Variants in ZNF808 observed in about 807,000 individuals in gnomAD.
ZNF808 encodes the protein zinc finger protein 808.
ZNF808 carries 5 observed loss-of-function variants against 8.7 expected under a neutral mutation model. That is an observed-to-expected ratio of 0.58 (90% CI 0.30 to 1.21). The LOEUF is 1.21. Ranked by LOEUF, ZNF808 falls within the 50% of genes most tolerant of loss-of-function variation. ZNF808 has a pLI of 0.07. For missense variants in ZNF808, 1,103 were observed against 1,098.4 expected, an observed-to-expected ratio of 1.00 and a Z score of -0.06; for synonymous variants, 380 against 366.0, an observed-to-expected ratio of 1.04 and a Z score of -0.44.
In ZNF808 at chr19:52,537,149, G is replaced by T. The variant is rs185517303; in HGVS notation, c.-20+4140G>T. Among the ~76,000 whole-genome samples the T allele has an allele frequency of 2.5e-3, 387 of 151,814 alleles. 6 individuals are homozygous for T. Among genetic ancestry groups the T allele is most frequent in the Non-Finnish European group, 6.6e-4 (45 of 67,996 alleles). On this transcript the variant is annotated intron_variant, in intron 2 of 4. Coordinates refer to ENST00000359798, the MANE Select transcript of ZNF808 (RefSeq NM_001039886.4). ...TGCGGTGAGCCGAGATCGCACCATTGCACTCCAGCCTGGGCAACAAGAGTG... is the reference window on the plus strand; with the variant it reads ...TGCGGTGAGCCGAGATCGCACCATTTCACTCCAGCCTGGGCAACAAGAGTG...
At chr19:52,530,499 T>TA (rs1018787427) in intron 1 of ZNF808, among the ~76,000 whole-genome samples, 2 of 151,636 alleles carry the variant, frequency 1.3e-5, no homozygotes, top group African/African-American at 4.8e-5. Context: ...CAATCTCTAC[T>TA]AAAAAATACA....
chr19:52,531,135 A>G (rs2059558254), intron 1 of ZNF808, among the ~76,000 whole-genome samples: 2 of 152,134 alleles, frequency 1.3e-5, no homozygotes, highest in Admixed American at 1.3e-4. Context: ...TCAAAAAAAC[A>G]AAAAAAGAAA....
intron 2 of ZNF808, among the ~76,000 whole-genome samples, chr19:52,540,289 C>T (rs759054771): frequency 1.2e-4 from 19 of 152,134 alleles, no homozygotes; most frequent in Non-Finnish European, 2.2e-4. Flanking sequence ...GGATTATAGG[C>T]GTGAGTCACT....
chr19:52,561,231 TATATATATAC>T, downstream of ZNF808, among the ~76,000 whole-genome samples: 1 of 141,750 alleles, frequency 7.1e-6, no homozygotes, highest in Non-Finnish European at 1.5e-5. Flanking sequence ...TATATATATA[TATATATATAC>T]ACTTTTTTTA....
chr19:52,568,276 A>C (rs2059877459), downstream of ZNF808, among the ~76,000 whole-genome samples: 1 of 152,226 alleles, frequency 6.6e-6, no homozygotes, highest in Non-Finnish European at 1.5e-5. Context: ...TGGGAGGCTG[A>C]GGCAGGAGAA....
In ZNF808 at chr19:52,554,930, C is replaced by T. The variant is rs746056057; in HGVS notation, c.2014C>T (p.Leu672Phe). The change falls in exon 5 of 5, where the codon CTT (leucine) becomes TTT (phenylalanine). Residue 672 changes from leucine to phenylalanine, a missense_variant. Leu to Phe is a conservative substitution (Grantham distance 22, BLOSUM62 0). Transcript: ENST00000359798. ...YKSSLVWHRR[L>F]HGGEKSYKCK... ...GTCATCACTTGTATGGCATCGTAGACTTCATGGTGGAGAGAAATCTTACAA... is the reference window on the plus strand; with the variant it reads ...GTCATCACTTGTATGGCATCGTAGATTTCATGGTGGAGAGAAATCTTACAA... The T allele has an allele frequency of 2.5e-6, 4 of 1,614,004 alleles. No homozygotes were observed. The highest frequency in any genetic ancestry group is 1.3e-5 in the African/African-American group (1 of 74,916).
downstream of ZNF808, among the ~76,000 whole-genome samples, chr19:52,559,104 C>G (rs1351111053): frequency 7.2e-6 from 1 of 138,766 alleles, no homozygotes; most frequent in South Asian, 2.3e-4. Flanking sequence ...TCCCCCAGCC[C>G]AACACCCGTA....
chr19:52,547,143 T>A (rs2059730042), intron 3 of ZNF808, among the ~76,000 whole-genome samples: 1 of 151,966 alleles, frequency 6.6e-6, no homozygotes, highest in Admixed American at 6.6e-5. Context: ...AGACAGGTTT[T>A]CACCACGTTG....
At chr19:52,533,825 A>G (rs1386458126) in intron 2 of ZNF808, among the ~76,000 whole-genome samples, 1 of 143,518 alleles carries the variant, frequency 7.0e-6, no homozygotes, top group Non-Finnish European at 1.5e-5. Flanking sequence ...CCTGGGTGAC[A>G]AAGTGAGACT....
intron 2 of ZNF808, among the ~76,000 whole-genome samples, chr19:52,539,548 GTTTTTT>G (rs71180473): frequency 7.7e-5 from 4 of 51,966 alleles, no homozygotes; most frequent in African/African-American, 2.0e-4. Context: ...TGTTGTGGTG[GTTTTTT>G]TTTTTTTTTT....
downstream of ZNF808, among the ~76,000 whole-genome samples, chr19:52,567,144 G>C (rs893391891): frequency 6.6e-6 from 1 of 152,004 alleles, no homozygotes; most frequent in Non-Finnish European, 1.5e-5. Context: ...TAGAGACGGG[G>C]TTTCATCACG....
At chr19:52,541,958 T>C in intron 2 of ZNF808, among the ~76,000 whole-genome samples, 1 of 152,198 alleles carries the variant, frequency 6.6e-6, no homozygotes, top group East Asian at 1.9e-4. Context: ...ACTGTGTACT[T>C]CTGGAAACTT....
intron 2 of ZNF808, among the ~76,000 whole-genome samples, chr19:52,533,457 ATCAGATGATT>A (rs1289753651): frequency 6.6e-6 from 1 of 151,918 alleles, no homozygotes; most frequent in Non-Finnish European, 1.5e-5. Context: ...AACTTCTGAT[ATCAGATGATT>A]CTCCAGCCTT....
intron 4 of ZNF808, among the ~76,000 whole-genome samples, chr19:52,550,680 C>T (rs1032891587): frequency 6.6e-6 from 1 of 152,092 alleles, no homozygotes; most frequent in Admixed American, 6.6e-5. Flanking sequence ...TGGCACAAGC[C>T]TGGCTAATTT....
intron 2 of ZNF808, among the ~76,000 whole-genome samples, chr19:52,533,820 G>C (rs1332625504): frequency 8.1e-6 from 1 of 123,894 alleles, no homozygotes; most frequent in Admixed American, 1.1e-4. Flanking sequence ...TGTAGCCTGG[G>C]TGACAAAGTG....
intron 2 of ZNF808, among the ~76,000 whole-genome samples, chr19:52,534,184 G>A (rs927957694): frequency 2.6e-5 from 4 of 152,046 alleles, no homozygotes; most frequent in South Asian, 2.1e-4. Flanking sequence ...AATTACAGGC[G>A]CCTGCCACCA....
downstream of ZNF808, among the ~76,000 whole-genome samples, chr19:52,565,670 A>G (rs988101361): frequency 7.2e-5 from 11 of 152,178 alleles, no homozygotes; most frequent in African/African-American, 2.4e-4. Context: ...GGCATAAGTG[A>G]CTATTCCTCC....
Position 52,554,625 on chromosome 19 carries a change from A to G in ZNF808, c.1709A>G (p.Asn570Ser). The G allele has an allele frequency of 1.2e-6, 2 of 1,614,020 alleles. No homozygotes were observed. The highest frequency in any genetic ancestry group is 1.1e-5 in the South Asian group (1 of 91,042). The change falls in exon 5 of 5, where the codon AAT (asparagine) becomes AGT (serine). Residue 570 changes from asparagine (N) to serine (S), a missense_variant. Coordinates refer to ENST00000359798, the MANE Select transcript of ZNF808 (RefSeq NM_001039886.4). ...IHTAKKPYKC[N>S]ECGKAFNQQS... is the part of the protein sequence containing the mutation. Reference sequence around the variant, plus strand: ...ACTGCAAAGAAACCTTACAAGTGTAATGAATGTGGGAAAGCTTTTAATCAA... The same window carrying G: ...ACTGCAAAGAAACCTTACAAGTGTAGTGAATGTGGGAAAGCTTTTAATCAA...
chr19:52,550,755 A>G (rs2059768876), intron 4 of ZNF808, among the ~76,000 whole-genome samples: 1 of 152,154 alleles, frequency 6.6e-6, no homozygotes, highest in Non-Finnish European at 1.5e-5. Flanking sequence ...TCCCAACCTC[A>G]GGTGATTCAT....
Sources: gnomAD v4.1 joint callset for allele counts (sites outside exome capture counted in the v4.1 genomes callset) on GRCh38, gnomAD v4.1.1 for gene constraint, MANE v1.5 for transcripts, NCBI Gene and HGNC (gene_info 2026-07-23, HGNC 2026-07-21) for gene names.